Variants in PDE1A observed in about 807,000 individuals in gnomAD.
The protein encoded by PDE1A is dual specificity calcium/calmodulin-dependent 3',5'-cyclic nucleotide phosphodiesterase 1A.
A neutral mutation model predicts 61.7 loss-of-function variants in PDE1A; 35 were observed. The observed-to-expected ratio is 0.57, with a 90% CI of 0.43 to 0.75. The LOEUF is 0.75. Ranked by LOEUF, PDE1A falls within the 30% of genes least tolerant of loss-of-function variation. The pLI, the probability that PDE1A is intolerant of heterozygous loss-of-function variation, is 0.00. For missense variants in PDE1A, 597 were observed against 630.6 expected, an observed-to-expected ratio of 0.95 and a Z score of 0.57; for synonymous variants, 232 against 213.2, an observed-to-expected ratio of 1.09 and a Z score of -0.77.
intron 2 of PDE1A, among the ~76,000 whole-genome samples, chr2:182,262,332 C>A (rs1574183924): frequency 6.6e-6 from 1 of 152,040 alleles, no homozygotes; most frequent in African/African-American, 2.4e-5. Context: ...GTGGCACAAT[C>A]TCAGCTCACT....
chr2:182,593,510 G>A, the PDE1A span, among the ~76,000 whole-genome samples: 2 of 152,100 alleles, frequency 1.3e-5, no homozygotes, highest in Admixed American at 6.6e-5. Flanking sequence ...AGGATAATGT[G>A]GTTCCACTTA....
chr2:182,183,701 A>G, intron 13 of PDE1A, among the ~76,000 whole-genome samples: 1 of 144,648 alleles, frequency 6.9e-6, no homozygotes, highest in Non-Finnish European at 1.5e-5. Context: ...AAAAAATTCA[A>G]GACAAGTTTT....
chr2:182,322,601 A>C (rs2124847830), intron 1 of PDE1A, among the ~76,000 whole-genome samples: 1 of 152,316 alleles, frequency 6.6e-6, no homozygotes, highest in South Asian at 2.1e-4. Flanking sequence ...TCTTCATAGC[A>C]GTATGAAAAT....
intron 1 of PDE1A, among the ~76,000 whole-genome samples, chr2:182,320,160 A>T (rs1010979624): frequency 5.9e-5 from 9 of 152,334 alleles, no homozygotes; most frequent in Non-Finnish European, 1.2e-4. Context: ...GCATGAGGCT[A>T]GGTATTGACC....
At chr2:182,321,320 A>G (rs976369461) in intron 1 of PDE1A, among the ~76,000 whole-genome samples, 7 of 152,150 alleles carry the variant, frequency 4.6e-5, no homozygotes, top group African/African-American at 1.7e-4. Flanking sequence ...TTTCTCTGTG[A>G]AGGGACATGG....
At chr2:182,225,306 T>G (rs1689055159) in intron 6 of PDE1A, among the ~76,000 whole-genome samples, 1 of 151,934 alleles carries the variant, frequency 6.6e-6, no homozygotes, top group Admixed American at 6.6e-5. Flanking sequence ...GTTAATGGAC[T>G]AATTTGATGA....
chr2:182,531,448 G>A, the PDE1A span, among the ~76,000 whole-genome samples: 3 of 150,092 alleles, frequency 2.0e-5, no homozygotes, highest in Non-Finnish European at 4.4e-5. Flanking sequence ...ATCAGAAAAT[G>A]TAGATTTTAA....
chr2:182,531,374 G>A, the PDE1A span, among the ~76,000 whole-genome samples: 1 of 60,716 alleles, frequency 1.6e-5, no homozygotes, highest in Non-Finnish European at 3.4e-5. Context: ...AAGTAAAAAG[G>A]TAGTAAAAAA....
chr2:182,658,061 A>C, the PDE1A span, among the ~76,000 whole-genome samples: 5 of 112,986 alleles, frequency 4.4e-5, no homozygotes, highest in East Asian at 2.4e-4. Context: ...AAAAAAAAAA[A>C]AAAAAAAAAA....
chr2:182,635,400 G>A, the PDE1A span, among the ~76,000 whole-genome samples: 1 of 151,870 alleles, frequency 6.6e-6, no homozygotes, highest in Admixed American at 6.6e-5. Context: ...GCTAATAGTA[G>A]TATATTATAG....
chr2:182,497,847 C>T (rs1265179456), intron 2 of PDE1A, among the ~76,000 whole-genome samples: 1 of 151,614 alleles, frequency 6.6e-6, no homozygotes, highest in Non-Finnish European at 1.5e-5. Context: ...TTGAGTCCAT[C>T]CTGGCTAACA....
the PDE1A span, among the ~76,000 whole-genome samples, chr2:182,583,413 A>G: frequency 3.9e-5 from 6 of 152,216 alleles, no homozygotes; most frequent in South Asian, 1.0e-3. Flanking sequence ...TGCAGACGTA[A>G]GAGCAAAATG....
chr2:182,493,431 G>C (rs949714413), intron 2 of PDE1A, among the ~76,000 whole-genome samples: 1 of 151,724 alleles, frequency 6.6e-6, no homozygotes, highest in Non-Finnish European at 1.5e-5. Context: ...ATCCCTCCCC[G>C]CCTCCTCACC....
intron 2 of PDE1A, among the ~76,000 whole-genome samples, chr2:182,463,932 A>G (rs1686478924): frequency 6.6e-6 from 1 of 152,142 alleles, no homozygotes; most frequent in African/African-American, 2.4e-5. Flanking sequence ...TCTCCTGGCA[A>G]AGAAACTTCT....
At chr2:182,635,618 G>A in the PDE1A span, among the ~76,000 whole-genome samples, 112 of 150,720 alleles carry the variant, frequency 7.4e-4, no homozygotes, top group African/African-American at 2.7e-3. Context: ...CCACATCTTC[G>A]GTTGGCCAAC....
chr2:182,455,218 C>T (rs1450820230), intron 2 of PDE1A, among the ~76,000 whole-genome samples: 1 of 152,152 alleles, frequency 6.6e-6, no homozygotes, highest in Non-Finnish European at 1.5e-5. Flanking sequence ...TACCATCTCA[C>T]ACCAGTTAGA....
chr2:182,387,298 T>C (rs1225877727), intron 1 of PDE1A, among the ~76,000 whole-genome samples: 1 of 152,168 alleles, frequency 6.6e-6, no homozygotes, highest in African/African-American at 2.4e-5. Flanking sequence ...TGCAGGGTCC[T>C]CTGCCTAGGA....
At chr2:182,610,193 C>G in the PDE1A span, among the ~76,000 whole-genome samples, 2 of 152,144 alleles carry the variant, frequency 1.3e-5, no homozygotes, top group African/African-American at 4.8e-5. Flanking sequence ...TAGACCATAC[C>G]CTTTTTGTCC....
At chr2:182,560,071 T>TC in the PDE1A span, among the ~76,000 whole-genome samples, 2 of 151,612 alleles carry the variant, frequency 1.3e-5, no homozygotes. Context: ...ATTCTTTTTT[T>TC]TTTTTTTATA....
Sources: gnomAD v4.1 joint callset for allele counts (sites outside exome capture counted in the v4.1 genomes callset) on GRCh38, gnomAD v4.1.1 for gene constraint, MANE v1.5 for transcripts, NCBI Gene and HGNC (gene_info 2026-07-23, HGNC 2026-07-21) for gene names.